PCNX2: variants seen among roughly 807,000 people sequenced by gnomAD.
PCNX2 encodes the protein pecanex 2, also known as pecanex-like protein 2.
In PCNX2, 168 loss-of-function variants were observed where a neutral mutation model predicts 223.8. The observed-to-expected ratio is 0.75, with a 90% CI of 0.66 to 0.85. The LOEUF (loss-of-function observed/expected upper bound fraction) is 0.85. PCNX2 is among the 40% of genes least tolerant of loss of function. The probability of loss-of-function intolerance (pLI) is 0.00; values close to 1 mark genes in which losing one functional copy is unlikely to be tolerated. For missense variants in PCNX2, 2,507 were observed against 2,675.5 expected (o/e 0.94, Z 1.39); for synonymous variants, 1,006 against 1,052.6 (o/e 0.96, Z 0.86).
chr1:232,998,905 T>A (rs1669969591), intron 31 of PCNX2, among the ~76,000 whole-genome samples, 200 bp downstream of exon 31: 1 of 152,200 alleles, frequency 6.6e-6, no homozygotes, highest in Non-Finnish European at 1.5e-5. Context: ...TTCTCATCCA[T>A]ATGAGATTTT....
intron 25 of PCNX2, among the ~76,000 whole-genome samples, chr1:233,048,413 T>C (rs571221010): frequency 3.9e-5 from 6 of 152,290 alleles, no homozygotes; most frequent in African/African-American, 1.2e-4. Context: ...GCCAAGATTG[T>C]GCCACTGCAC....
At chr1:233,272,706 C>A (rs1660704823) in intron 1 of PCNX2, among the ~76,000 whole-genome samples, 1 of 152,158 alleles carries the variant, frequency 6.6e-6, no homozygotes, top group African/African-American at 2.4e-5. Context: ...ATGTTTATAG[C>A]AGCACAATTC....
chr1:233,071,231 G>A (rs868022867), intron 23 of PCNX2, among the ~76,000 whole-genome samples: 37 of 152,094 alleles, frequency 2.4e-4, no homozygotes, highest in African/African-American at 8.5e-4. Flanking sequence ...CTTGTGTCAT[G>A]AGGGCTTGTT....
chr1:233,262,234 C>T (rs1477813165), intron 2 of PCNX2, 69 bp from the exon 3 acceptor site: 2 of 1,572,036 alleles, frequency 1.3e-6, no homozygotes, highest in South Asian at 1.2e-5. Context: ...TCTTTTAGTA[C>T]TAGTCTAAAA....
At chr1:233,034,736 A>T (rs1000111330) in intron 25 of PCNX2, among the ~76,000 whole-genome samples, 1 of 152,162 alleles carries the variant, frequency 6.6e-6, no homozygotes, top group Non-Finnish European at 1.5e-5. Context: ...AAACCAAAAT[A>T]TTCCCTTTTT....
intron 19 of PCNX2, among the ~76,000 whole-genome samples, chr1:233,153,276 C>T (rs1558287614): frequency 6.6e-6 from 1 of 152,114 alleles, no homozygotes; most frequent in African/African-American, 2.4e-5. Context: ...ACAAGCTTCA[C>T]TCCAAAAAAG....
intron 1 of PCNX2, among the ~76,000 whole-genome samples, chr1:233,284,403 G>A (rs1395413237): frequency 6.6e-6 from 1 of 152,000 alleles, no homozygotes; most frequent in Non-Finnish European, 1.5e-5. Context: ...TTAAAATGCT[G>A]TTCCTCCTCT....
At chr1:233,325,512 A>AC in the PCNX2 span, among the ~76,000 whole-genome samples, 1 of 151,016 alleles carries the variant, frequency 6.6e-6, no homozygotes, top group Non-Finnish European at 1.5e-5. Context: ...CAAAAAAAAA[A>AC]AAAACCAAAA....
chr1:233,197,782 A>C (rs538815748), intron 15 of PCNX2, among the ~76,000 whole-genome samples: 1 of 152,312 alleles, frequency 6.6e-6, no homozygotes, highest in East Asian at 1.9e-4. Flanking sequence ...TCTGCCACTG[A>C]CATTGATCAG....
intron 21 of PCNX2, among the ~76,000 whole-genome samples, chr1:233,103,808 G>C (rs1194048310): frequency 6.6e-6 from 1 of 152,128 alleles, no homozygotes; most frequent in Non-Finnish European, 1.5e-5. Context: ...CCAGCAGTGG[G>C]ATTGCTGGAT....
At chr1:233,134,427 A>T (rs189291040) in intron 21 of PCNX2, among the ~76,000 whole-genome samples, 1 of 152,204 alleles carries the variant, frequency 6.6e-6, no homozygotes, top group African/African-American at 2.4e-5. Context: ...CCCATGTATG[A>T]AGTTGCTCAA....
At chr1:233,184,230 G>A (rs6689225) in intron 15 of PCNX2, among the ~76,000 whole-genome samples, 2,988 of 152,060 alleles carry the variant, frequency 0.02, 35 homozygotes, top group Middle Eastern at 0.041. Context: ...TCATGACATG[G>A]ATCAGAGAAA....
rs566442877 is a variant in PCNX2, at chr1:233,126,531, G to A, written c.3837+8482C>T. Among the ~76,000 whole-genome samples, 7 of 152,034 alleles carry A rather than the reference G, an allele frequency of 4.6e-5. No homozygotes were observed. The highest frequency in any genetic ancestry group is 1.7e-4 in the African/African-American group (7 of 41,492). On this transcript the variant is annotated intron_variant, in intron 21 of 33. Transcript: ENST00000258229. This position sits in a 1 kb window ranked among gnomAD's most constrained non-coding sequence, Gnocchi z 4.8. ...TGTGTGTGTGTTTGTGTGTGTGTGT[G>A]TGTGTGTAAATATACCAGAGGACTG...
At chr1:233,027,439 T>C (rs1475008458) in intron 25 of PCNX2, among the ~76,000 whole-genome samples, 1 of 152,226 alleles carries the variant, frequency 6.6e-6, no homozygotes, top group Non-Finnish European at 1.5e-5. Flanking sequence ...TCCTGTACGC[T>C]GCTGAGCAGA....
intron 26 of PCNX2, among the ~76,000 whole-genome samples, chr1:233,024,850 C>T (rs183427297): frequency 2.0e-5 from 3 of 152,262 alleles, no homozygotes; most frequent in African/African-American, 7.2e-5. Flanking sequence ...TTAAATTTGT[C>T]CTCATCATCA....
At chr1:233,170,148 G>A (rs1190564325) in intron 17 of PCNX2, among the ~76,000 whole-genome samples, 3 of 152,184 alleles carry the variant, frequency 2.0e-5, no homozygotes, top group Admixed American at 6.5e-5. Flanking sequence ...AAATGTGCAA[G>A]ATTTGCTCCA....
At position 233,000,586 on chromosome 1, in the gene PCNX2, C is replaced by T; in HGVS notation, c.5098-51G>A. On this transcript the variant is annotated intron_variant, in intron 29 of 33. Coordinates refer to ENST00000258229, the MANE Select transcript of PCNX2 (RefSeq NM_014801.4). This position sits in a 1 kb window ranked among gnomAD's most constrained non-coding sequence, Gnocchi z 4.6. ...GCTGGGCAAGGACCAGAGGAACTCA[C>T]CCCCAGGAAGCATGCAGATGGCAAC... 1 of 1,479,438 alleles carries T rather than the reference C, an allele frequency of 6.8e-7. No homozygotes were observed. The highest frequency in any genetic ancestry group is 2.5e-5 in the East Asian group (1 of 40,796). The allele number at this position is 1,479,438 out of a possible 1,614,324, so 91.6% of individuals were successfully genotyped here. A position where few individuals can be genotyped will look rare whatever the true frequency, so the allele number is the denominator to read the frequency against.
chr1:233,216,726 A>C (rs77114250), intron 12 of PCNX2, among the ~76,000 whole-genome samples: 1,791 of 152,312 alleles, frequency 0.012, 34 homozygotes, highest in African/African-American at 0.04. Context: ...AAGGAAATAA[A>C]ATCAATATGT....
chr1:233,297,822 A>G (rs574289295), upstream of PCNX2, among the ~76,000 whole-genome samples: 16 of 152,308 alleles, frequency 1.1e-4, no homozygotes, highest in South Asian at 3.3e-3. Context: ...ACAGGGGCAA[A>G]TGCTGAACAC....
Sources: gnomAD v4.1 joint callset for allele counts (sites outside exome capture counted in the v4.1 genomes callset) on GRCh38, gnomAD v4.1.1 for gene constraint, Gnocchi (gnomAD v3.1) non-coding constraint, MANE v1.5 for transcripts, NCBI Gene and HGNC (gene_info 2026-07-23, HGNC 2026-07-21) for gene names.